Variants in SMARCC1 observed in about 807,000 individuals in gnomAD.
SMARCC1 encodes the protein SWI/SNF complex subunit SMARCC1.
Under a neutral mutation model 147.4 loss-of-function variants are expected in SMARCC1, and 43 were observed. The observed-to-expected ratio is 0.29, with a 90% CI of 0.23 to 0.38. The LOEUF (loss-of-function observed/expected upper bound fraction) is 0.38. SMARCC1 is among the 10% of genes least tolerant of loss of function. The pLI is 1.00. For missense variants in SMARCC1, 1,119 were observed against 1,381.1 expected (o/e 0.81, Z 3.01); for synonymous variants, 495 against 484.4 (o/e 1.02, Z -0.29).
chr3:47,779,857 T>C (rs1032623773), intron 1 of SMARCC1, among the ~76,000 whole-genome samples: 10 of 152,216 alleles, frequency 6.6e-5, no homozygotes, highest in Admixed American at 3.3e-4. Context: ...CCCAAAGCAT[T>C]GGCTAAAAGG....
At chr3:47,731,260 C>T (rs2034370806) in intron 5 of SMARCC1, among the ~76,000 whole-genome samples, 1 of 152,228 alleles carries the variant, frequency 6.6e-6, no homozygotes. Flanking sequence ...ACTCTTCCAT[C>T]TGTTCAAGTT....
intron 25 of SMARCC1, among the ~76,000 whole-genome samples, chr3:47,616,326 C>G (rs2032645058): frequency 6.6e-6 from 1 of 152,200 alleles, no homozygotes; most frequent in Non-Finnish European, 1.5e-5. Flanking sequence ...TTTCTCATGT[C>G]AATTCCCTGA....
At chr3:47,711,560 GAACATGTTCA>G (rs765317143) in intron 8 of SMARCC1, among the ~76,000 whole-genome samples, 82 of 152,174 alleles carry the variant, frequency 5.4e-4, no homozygotes, top group Non-Finnish European at 7.8e-4. Context: ...TGGTTGAAAT[GAACATGTTCA>G]GTCAAGAACA....
chr3:47,612,144 A>G (rs949819276), intron 25 of SMARCC1, among the ~76,000 whole-genome samples: 1 of 152,188 alleles, frequency 6.6e-6, no homozygotes, highest in African/African-American at 2.4e-5. Flanking sequence ...TGTAAACAGC[A>G]AGAGAATCTT....
At chr3:47,642,678 C>A (rs2106711696) in intron 21 of SMARCC1, among the ~76,000 whole-genome samples, 1 of 152,248 alleles carries the variant, frequency 6.6e-6, no homozygotes, top group East Asian at 1.9e-4. Flanking sequence ...AGCAGAGAGT[C>A]TAACACCAGG....
chr3:47,781,872 C>A lies in SMARCC1; in HGVS notation c.-75G>T. 2 of 1,054,826 alleles carry A rather than the reference C, an allele frequency of 1.9e-6. No homozygotes were observed. The highest frequency in any genetic ancestry group is 2.4e-6 in the Non-Finnish European group (2 of 820,972). The allele number at this position is 1,054,826 out of a possible 1,614,324, so 65.3% of individuals were successfully genotyped here. A position where few individuals can be genotyped will look rare whatever the true frequency, so the allele number is the denominator to read the frequency against. On this transcript the variant is annotated 5_prime_UTR_variant, in exon 1 of 28. Transcript: ENST00000254480. ...GTTTCCCGGTCGTTCCCGCGCGCACCCCCGCGCGCGTAGCCGCCACTGCCG... is the reference window on the plus strand; with the variant it reads ...GTTTCCCGGTCGTTCCCGCGCGCACACCCGCGCGCGTAGCCGCCACTGCCG...
At chr3:47,777,100 T>TG (rs2034983917) in intron 1 of SMARCC1, among the ~76,000 whole-genome samples, 1 of 150,950 alleles carries the variant, frequency 6.6e-6, no homozygotes, top group Non-Finnish European at 1.5e-5. Context: ...TTTTTTTTTT[T>TG]TGAGAGAGTC....
chr3:47,632,620 T>A (rs2032907950), intron 24 of SMARCC1, among the ~76,000 whole-genome samples: 2 of 151,984 alleles, frequency 1.3e-5, no homozygotes, highest in African/African-American at 4.8e-5. Flanking sequence ...CAGACCAGCC[T>A]GGGTAACATG....
chr3:47,646,742 A>G (rs1244176176), intron 21 of SMARCC1, among the ~76,000 whole-genome samples: 1 of 152,188 alleles, frequency 6.6e-6, no homozygotes, highest in East Asian at 1.9e-4. Context: ...AGACTGAATC[A>G]TGCTACTTCT....
At chr3:47,625,236 G>A (rs962188654) in intron 24 of SMARCC1, among the ~76,000 whole-genome samples, 1 of 151,602 alleles carries the variant, frequency 6.6e-6, no homozygotes, top group African/African-American at 2.4e-5. Flanking sequence ...GAGGTGGGTG[G>A]ATCACTTGAG....
intron 26 of SMARCC1, among the ~76,000 whole-genome samples, chr3:47,600,025 CA>C (rs2032359035): frequency 3.3e-5 from 5 of 152,188 alleles, no homozygotes; most frequent in Admixed American, 3.3e-4. Context: ...TGGAATAGGG[CA>C]GCTTTAGGGT....
At chr3:47,631,549 C>T (rs2032890984) in intron 24 of SMARCC1, among the ~76,000 whole-genome samples, 3 of 152,212 alleles carry the variant, frequency 2.0e-5, no homozygotes, top group Admixed American at 2.0e-4. Flanking sequence ...TCTGCTTACA[C>T]CCACACACCA....
intron 1 of SMARCC1, among the ~76,000 whole-genome samples, chr3:47,780,490 C>T (rs75075121): frequency 2.2e-3 from 336 of 152,142 alleles, no homozygotes; most frequent in African/African-American, 7.9e-3. Context: ...CCAAAGGAAC[C>T]CAAGATCCCT....
At chr3:47,633,761 A>ATAT (rs1303845108) in intron 24 of SMARCC1, among the ~76,000 whole-genome samples, 1 of 31,512 alleles carries the variant, frequency 3.2e-5, no homozygotes, top group Admixed American at 5.1e-4. Context: ...AAAAAAAAAA[A>ATAT]AAATATATAT....
intron 21 of SMARCC1, among the ~76,000 whole-genome samples, chr3:47,655,284 GCTA>G (rs2033246404): frequency 6.6e-6 from 1 of 152,188 alleles, no homozygotes; most frequent in Non-Finnish European, 1.5e-5. Context: ...TGTAGTTCTA[GCTA>G]CTTGGGAAGC....
At chr3:47,619,690 C>T (rs1367818685) in intron 25 of SMARCC1, among the ~76,000 whole-genome samples, 1 of 152,184 alleles carries the variant, frequency 6.6e-6, no homozygotes. Flanking sequence ...GTGAGAGATG[C>T]TTACAGAGAC....
At chr3:47,721,955 C>T (rs1021038172) in intron 6 of SMARCC1, among the ~76,000 whole-genome samples, 3 of 152,108 alleles carry the variant, frequency 2.0e-5, no homozygotes, top group African/African-American at 4.8e-5. Flanking sequence ...TAGTTTGAGG[C>T]TGCAATGGGC....
intron 19 of SMARCC1, chr3:47,663,990 G>C (rs2106739868): frequency 1.0e-6 from 1 of 1,000,436 alleles, no homozygotes. Context: ...CCAGGAGCAA[G>C]CACTGGCCCT....
chr3:47,758,740 G>A (rs1209215666), intron 2 of SMARCC1, among the ~76,000 whole-genome samples: 1 of 151,880 alleles, frequency 6.6e-6, no homozygotes, highest in Non-Finnish European at 1.5e-5. Context: ...TATTTATTTA[G>A]AAACAGGGTG....
Sources: allele counts gnomAD v4.1 joint callset (sites outside exome capture counted in the v4.1 genomes callset), GRCh38; gene constraint gnomAD v4.1.1; transcripts MANE v1.5; gene names NCBI Gene and HGNC (gene_info 2026-07-23, HGNC 2026-07-21).